HS3ST3A1: variants seen among roughly 807,000 people sequenced by gnomAD.
The protein encoded by HS3ST3A1 is heparan sulfate glucosamine 3-O-sulfotransferase 3A1.
In HS3ST3A1, 19 loss-of-function variants were observed where a neutral mutation model predicts 25.7. The ratio of observed to expected loss-of-function variants is 0.74; its 90% CI spans 0.52 to 1.08. HS3ST3A1 has a LOEUF of 1.08. Ranked by LOEUF, HS3ST3A1 falls within the 50% of genes least tolerant of loss-of-function variation. The pLI is 0.00. For missense variants in HS3ST3A1, 459 were observed against 594.3 expected (o/e 0.77, Z 2.37); for synonymous variants, 226 against 278.6 (o/e 0.81, Z 1.88).
intron 1 of HS3ST3A1, among the ~76,000 whole-genome samples, chr17:13,595,029 T>C (rs1385207946): frequency 6.6e-6 from 1 of 151,914 alleles, no homozygotes; most frequent in Non-Finnish European, 1.5e-5. Flanking sequence ...TTTGCAAGAA[T>C]GTCTCTCGAA....
intron 1 of HS3ST3A1, among the ~76,000 whole-genome samples, chr17:13,526,474 T>TATATATATATATATATA (rs1906425775): frequency 3.9e-5 from 3 of 76,296 alleles, no homozygotes; most frequent in Non-Finnish European, 2.5e-5. Flanking sequence ...ACTTTAATTT[T>TATATATATATATATATA]TATATATATA....
intron 1 of HS3ST3A1, among the ~76,000 whole-genome samples, chr17:13,527,718 A>T (rs1906478423): frequency 1.3e-5 from 2 of 152,206 alleles, no homozygotes; most frequent in South Asian, 4.1e-4. Context: ...CATTCTGCTC[A>T]TTGATTTTCC....
At chr17:13,553,448 C>T (rs1156596938) in intron 1 of HS3ST3A1, among the ~76,000 whole-genome samples, 1 of 152,184 alleles carries the variant, frequency 6.6e-6, no homozygotes, top group Non-Finnish European at 1.5e-5. Flanking sequence ...TTACAGACCT[C>T]TTTGATGAGG....
chr17:13,557,644 T>G (rs1359922620), intron 1 of HS3ST3A1, among the ~76,000 whole-genome samples: 1 of 152,120 alleles, frequency 6.6e-6, no homozygotes, highest in Non-Finnish European at 1.5e-5. Context: ...ACAGGTGAAC[T>G]CATTCAAAGA....
intron 1 of HS3ST3A1, among the ~76,000 whole-genome samples, chr17:13,523,908 T>C (rs995912724): frequency 6.6e-6 from 1 of 152,184 alleles, no homozygotes; most frequent in African/African-American, 2.4e-5. Context: ...TGAATGCTTA[T>C]TTACCCATTT....
At chr17:13,572,945 T>G (rs555101005) in intron 1 of HS3ST3A1, among the ~76,000 whole-genome samples, 1 of 152,334 alleles carries the variant, frequency 6.6e-6, no homozygotes, top group Admixed American at 6.5e-5. Context: ...TTTAACAGCC[T>G]GATCCCAATG....
At chr17:13,508,135 G>A (rs12950398) in intron 1 of HS3ST3A1, among the ~76,000 whole-genome samples, 16,142 of 152,008 alleles carry the variant, frequency 0.11, 1,047 homozygotes, top group Non-Finnish European at 0.15. Flanking sequence ...AAACATCAGG[G>A]TTAGAGCCCA....
chr17:13,497,435 T>C (rs1423249533), intron 1 of HS3ST3A1, among the ~76,000 whole-genome samples: 1 of 152,248 alleles, frequency 6.6e-6, no homozygotes, highest in Non-Finnish European at 1.5e-5. Flanking sequence ...TTGGCCCAAT[T>C]ATAAGTTATT....
chr17:13,527,907 A>C (rs964944651), intron 1 of HS3ST3A1, among the ~76,000 whole-genome samples: 30 of 152,192 alleles, frequency 2.0e-4, no homozygotes, highest in African/African-American at 7.0e-4. Context: ...GAAATGTATA[A>C]TTAAAGTACA....
At chr17:13,572,730 G>A (rs968652418) in intron 1 of HS3ST3A1, among the ~76,000 whole-genome samples, 12 of 152,216 alleles carry the variant, frequency 7.9e-5, no homozygotes, top group Middle Eastern at 3.2e-3. Flanking sequence ...AGTAGACGGG[G>A]AATTCAACAG....
chr17:13,578,900 T>A (rs1334151294), intron 1 of HS3ST3A1, among the ~76,000 whole-genome samples: 1 of 152,206 alleles, frequency 6.6e-6, no homozygotes, highest in African/African-American at 2.4e-5. Flanking sequence ...TTATTAAAGA[T>A]ACTCAAATTT....
chr17:13,507,255 CTGA>C (rs1905714812), intron 1 of HS3ST3A1, among the ~76,000 whole-genome samples: 1 of 152,070 alleles, frequency 6.6e-6, no homozygotes, highest in Non-Finnish European at 1.5e-5. Flanking sequence ...AGAACAAGGT[CTGA>C]TGTATTATTT....
chr17:13,589,295 C>T (rs1227080005), intron 1 of HS3ST3A1, among the ~76,000 whole-genome samples: 1 of 152,212 alleles, frequency 6.6e-6, no homozygotes, highest in African/African-American at 2.4e-5. Context: ...TGAGCAGTTT[C>T]TCCAAGGCCT....
At chr17:13,589,381 G>C (rs1908360048) in intron 1 of HS3ST3A1, among the ~76,000 whole-genome samples, 1 of 152,088 alleles carries the variant, frequency 6.6e-6, no homozygotes, top group South Asian at 2.1e-4. Flanking sequence ...ACAAGCTTTA[G>C]CTCCCTGTGA....
intron 1 of HS3ST3A1, among the ~76,000 whole-genome samples, chr17:13,582,963 A>G (rs542893757): frequency 6.6e-6 from 1 of 152,354 alleles, no homozygotes; most frequent in East Asian, 1.9e-4. Context: ...TGAAGATGTT[A>G]CAGCCATTCA....
At chr17:13,599,402 C>G (rs948400088) in intron 1 of HS3ST3A1, among the ~76,000 whole-genome samples, 1 of 152,178 alleles carries the variant, frequency 6.6e-6, no homozygotes, top group East Asian at 1.9e-4. Context: ...CTTGTCAAAT[C>G]ATATCCATTT....
chr17:13,560,373 C>A (rs990143936), intron 1 of HS3ST3A1, among the ~76,000 whole-genome samples: 9 of 144,116 alleles, frequency 6.2e-5, no homozygotes, highest in Non-Finnish European at 1.3e-4. Flanking sequence ...TTTCCTGCCA[C>A]CTTTGCTTCT....
intron 1 of HS3ST3A1, among the ~76,000 whole-genome samples, chr17:13,565,414 C>T (rs59755934): frequency 0.012 from 1,804 of 152,198 alleles, 37 homozygotes; most frequent in African/African-American, 0.041. Flanking sequence ...CACCTGTAGT[C>T]CCAGCTACTC....
intron 1 of HS3ST3A1, among the ~76,000 whole-genome samples, chr17:13,587,369 G>A (rs143624952): frequency 5.3e-5 from 8 of 152,292 alleles, no homozygotes; most frequent in Middle Eastern, 3.4e-3. Flanking sequence ...CAGGAGAATC[G>A]CTTGAACCCA....
Sources: allele counts gnomAD v4.1 joint callset (sites outside exome capture counted in the v4.1 genomes callset), GRCh38; gene constraint gnomAD v4.1.1; transcripts MANE v1.5; gene names NCBI Gene and HGNC (gene_info 2026-07-23, HGNC 2026-07-21).